UBR1: variants seen among roughly 807,000 people sequenced by gnomAD.
UBR1 encodes ubiquitin protein ligase E3 component n-recognin 1.
Under a neutral mutation model 242.1 loss-of-function variants are expected in UBR1, and 102 were observed. That is an observed-to-expected ratio of 0.42 (90% confidence interval 0.36 to 0.50). UBR1 has a LOEUF of 0.50. Among genes scored for constraint, UBR1 ranks in the 20% least tolerant of loss-of-function variants. UBR1 has a pLI of 0.01. For missense variants in UBR1, 1,772 were observed against 2,101.8 expected (o/e 0.84, Z 3.07); for synonymous variants, 675 against 684.8 (o/e 0.99, Z 0.22).
In UBR1 at chr15:43,017,169, C is replaced by G. The variant is rs769246548; in HGVS notation, c.2953G>C (p.Val985Leu). Residue 985 changes from valine to leucine, a missense_variant, in exon 28 of 47, where the codon GTG (valine) becomes CTG (leucine). By Grantham distance (32) the Val-to-Leu change is conservative. This residue lies in a region of UBR1 where 965 missense variants were observed against 1,079.7 expected (regional missense o/e 0.89). Coordinates refer to ENST00000290650, the MANE Select transcript of UBR1 (RefSeq NM_174916.3). ...CAAGATTTTTCTCTTAATCGCTTCA[C>G]TGTGTCAAACATCTGTGAAAAACAG... Reference protein sequence around the residue: ...ITWILQMFDTVKRLREKSCLI... With the variant: ...ITWILQMFDTLKRLREKSCLI... 4 of 1,612,760 alleles carry G rather than the reference C, an allele frequency of 2.5e-6. No homozygotes were observed. Among genetic ancestry groups the G allele is most frequent in the Non-Finnish European group, 3.4e-6 (4 of 1,179,546 alleles).
chr15:42,975,348 G>A (rs2032271593), intron 39 of UBR1, among the ~76,000 whole-genome samples: 1 of 152,014 alleles, frequency 6.6e-6, no homozygotes, highest in African/African-American at 2.4e-5. Context: ...ATCAGATCTT[G>A]TTCATTCCTT....
chr15:43,102,997 G>A (rs1329450286), intron 1 of UBR1, among the ~76,000 whole-genome samples: 1 of 152,080 alleles, frequency 6.6e-6, no homozygotes, highest in Admixed American at 6.6e-5. Context: ...GCAAAACCCT[G>A]TCTCTACTAA....
chr15:42,970,452 A>C, intron 40 of UBR1, 68 bp downstream of exon 40: 1 of 1,465,868 alleles, frequency 6.8e-7, no homozygotes, highest in Non-Finnish European at 9.5e-7. Context: ...TTCAAATGTT[A>C]CGTTGCCAAA....
chr15:43,032,578 G>C lies in UBR1; in HGVS notation c.2244C>G (p.Ile748Met), dbSNP rs2033270436. ...TLIEEMLQVL[I>M]YIVGERYVPG... Reference sequence around the variant, plus strand: ...GTGTTTTAATCTTACCCACAATATAGATGAGGACCTGAAGCATTTCTTCTA... The same window carrying C: ...GTGTTTTAATCTTACCCACAATATACATGAGGACCTGAAGCATTTCTTCTA... The change falls in exon 20 of 47, where the codon ATC (isoleucine) becomes ATG (methionine). Residue 748 changes from isoleucine to methionine, a missense_variant. Physicochemically the swap from Ile to Met is conservative, Grantham distance 10. Transcript: ENST00000290650. The C allele has an allele frequency of 2.0e-6, 3 of 1,536,718 alleles. No homozygotes were observed. In the Admixed American group the frequency reaches 5.1e-5, roughly 26 times the overall value.
intron 7 of UBR1, 90 bp from the exon 8 acceptor site, chr15:43,059,915 C>T: frequency 6.4e-7 from 1 of 1,566,098 alleles, no homozygotes; most frequent in Non-Finnish European, 8.8e-7. Flanking sequence ...AATCACATAA[C>T]CCTGCCAGTT....
chr15:42,994,835 C>A (rs911608146), intron 33 of UBR1, among the ~76,000 whole-genome samples: 1 of 152,176 alleles, frequency 6.6e-6, no homozygotes, highest in African/African-American at 2.4e-5. Flanking sequence ...GCAACTGATT[C>A]CTGATTAATC....
intron 25 of UBR1, 21 bp from the exon 26 acceptor site, chr15:43,022,822 A>C (rs2033127567): frequency 6.7e-7 from 1 of 1,501,272 alleles, no homozygotes. Flanking sequence ...AAAATAAGAG[A>C]TCTTTAAAAT....
intron 46 of UBR1, among the ~76,000 whole-genome samples, chr15:42,948,488 A>G (rs2031774759): frequency 6.6e-6 from 1 of 152,214 alleles, no homozygotes; most frequent in Non-Finnish European, 1.5e-5. Context: ...ATCAGAGTGA[A>G]CAGGCAACCT....
intron 19 of UBR1, 72 bp from the exon 20 acceptor site, chr15:43,032,703 G>T (rs577648284): frequency 6.7e-6 from 6 of 900,904 alleles, no homozygotes; most frequent in Admixed American, 4.2e-5. Flanking sequence ...ATTTCTGGAC[G>T]AGACTCATGG....
chr15:42,974,936 C>T (rs917514726), intron 39 of UBR1, among the ~76,000 whole-genome samples: 4 of 152,076 alleles, frequency 2.6e-5, no homozygotes, highest in Non-Finnish European at 2.9e-5. Flanking sequence ...GGATTTTTAT[C>T]GGGAGGCTGG....
chr15:42,966,269 A>C lies in UBR1; in HGVS notation c.4475T>G (p.Ile1492Ser). The C allele has an allele frequency of 6.2e-7, 1 of 1,614,238 alleles. No individual in the cohort carries two copies. The highest frequency in any genetic ancestry group is 8.5e-7 in the Non-Finnish European group (1 of 1,180,048). The change falls in exon 41 of 47, where the codon ATT becomes AGT. Residue 1492 changes from isoleucine (I) to serine (S), a missense_variant. By Grantham distance (142) the Ile-to-Ser change is moderately radical. Transcript: ENST00000290650. ...TGAGACCCACAAATACCAGCCAGGA[A>C]TATCACACCCAATGGAGCTAGGAGA... ...QYTSGSIGCD[I>S]PGWYLWVSLK... is the part of the protein sequence containing the mutation.
chr15:42,975,431 T>C (rs2032273450), intron 39 of UBR1, among the ~76,000 whole-genome samples: 1 of 113,824 alleles, frequency 8.8e-6, no homozygotes, highest in Non-Finnish European at 2.2e-5. Context: ...GATGGACAGC[T>C]AAATTGTTTC....
At chr15:42,950,131 G>T in intron 46 of UBR1, 131 bp downstream of exon 46, 3 of 872,648 alleles carry the variant, frequency 3.4e-6, no homozygotes, top group South Asian at 1.4e-5. Context: ...AAGCCACGGT[G>T]TCTGGCCTCA....
chr15:43,062,650 T>TC (rs750033409), intron 6 of UBR1, among the ~76,000 whole-genome samples: 2 of 152,188 alleles, frequency 1.3e-5, no homozygotes, highest in Non-Finnish European at 1.5e-5. Flanking sequence ...CTCACTCTGT[T>TC]GTTCAGGCTG....
chr15:43,026,196 C>T lies in UBR1; in HGVS notation c.2535+365G>A, dbSNP rs138793129. Reference sequence around the variant, plus strand: ...GCAGTGAGCTGATATCGTGCAACTACGTTCCAGCCTGGACAACAGAGTGAG... The same window carrying T: ...GCAGTGAGCTGATATCGTGCAACTATGTTCCAGCCTGGACAACAGAGTGAG... On this transcript the variant is annotated intron_variant, in intron 23 of 46. Coordinates refer to ENST00000290650, the MANE Select transcript of UBR1 (RefSeq NM_174916.3). 19 of 223,874 alleles carry T rather than the reference C, an allele frequency of 8.5e-5. No individual in the cohort carries two copies. In the East Asian group the frequency reaches 2.0e-3, roughly 24 times the overall value. 13.9% of individuals were successfully genotyped at this position (223,874 alleles called of 1,614,324 possible). A position where few individuals can be genotyped will look rare whatever the true frequency, so the allele number is the denominator to read the frequency against.
At chr15:43,079,136 C>T (rs974886731) in intron 3 of UBR1, among the ~76,000 whole-genome samples, 4 of 151,500 alleles carry the variant, frequency 2.6e-5, no homozygotes, top group African/African-American at 4.9e-5. Context: ...CTGGAGTCAC[C>T]GAAGAAGAAA....
intron 14 of UBR1, among the ~76,000 whole-genome samples, chr15:43,045,155 ATTTAAAATAT>A (rs2033468442): frequency 6.6e-6 from 1 of 152,202 alleles, no homozygotes; most frequent in Non-Finnish European, 1.5e-5. Flanking sequence ...TGACAGGTCC[ATTTAAAATAT>A]TTTGAGTTTG....
chr15:43,068,007 A>G lies in UBR1; in HGVS notation c.689T>C (p.Leu230Pro), dbSNP rs778267578. The G allele has an allele frequency of 1.2e-6, 2 of 1,611,716 alleles. No homozygotes were observed. The highest frequency in any genetic ancestry group is 1.7e-6 in the Non-Finnish European group (2 of 1,178,270). Residue 230 changes from leucine to proline, a missense_variant, in exon 6 of 47, where the codon CTT becomes CCT. Around this residue, in one of 3 missense-constraint regions of UBR1, gnomAD observed 734 missense variants for 893.3 expected, o/e 0.82. Coordinates refer to ENST00000290650, the MANE Select transcript of UBR1 (RefSeq NM_174916.3). The part of the protein sequence containing the change: ...REKNERYYCV[L>P]FNDEHHSYDH... Reference sequence around the variant, plus strand: ...ATATGAATGGTGTTCATCATTGAAAAGGACACAATAGTATCTTTCATTTTT... The same window carrying G: ...ATATGAATGGTGTTCATCATTGAAAGGGACACAATAGTATCTTTCATTTTT...
chr15:43,059,670 T>C (rs1185344497), intron 8 of UBR1, 32 bp downstream of exon 8: 5 of 1,613,118 alleles, frequency 3.1e-6, no homozygotes, highest in Non-Finnish European at 4.2e-6. Flanking sequence ...TAGTATTTTA[T>C]CAGAAACAAG....
Sources: allele counts gnomAD v4.1 joint callset (sites outside exome capture counted in the v4.1 genomes callset), GRCh38; gene constraint gnomAD v4.1.1; regional missense constraint gnomAD v4.1.1; transcripts MANE v1.5; gene names NCBI Gene and HGNC (gene_info 2026-07-23, HGNC 2026-07-21).